Variants in NBAS observed in about 807,000 individuals in gnomAD.
NBAS encodes the protein NBAS subunit of NRZ tethering complex.
A neutral mutation model predicts 302.5 loss-of-function variants in NBAS; 219 were observed. That is an observed-to-expected ratio of 0.72 (90% CI 0.65 to 0.81). The LOEUF (loss-of-function observed/expected upper bound fraction) is 0.81, where lower values mean the gene tolerates loss of function less well. NBAS is among the 30% of genes least tolerant of loss of function. The pLI is 0.00. For synonymous variants in NBAS, 1,118 were observed against 1,021.6 expected, an observed-to-expected ratio of 1.09 and a Z score of -1.80; for missense variants, 2,932 against 2,841.6, an observed-to-expected ratio of 1.03 and a Z score of -0.72.
At chr2:15,052,668 C>T in the NBAS span, among the ~76,000 whole-genome samples, 1 of 152,156 alleles carries the variant, frequency 6.6e-6, no homozygotes, top group African/African-American at 2.4e-5. Context: ...CTTCCAATGA[C>T]ATTTATGTTT....
chr2:15,435,999 A>T (rs1387455350), intron 21 of NBAS, among the ~76,000 whole-genome samples: 1 of 152,204 alleles, frequency 6.6e-6, no homozygotes, highest in Admixed American at 6.5e-5. Flanking sequence ...TTAATCGTGA[A>T]TCAAACACCC....
chr2:14,908,279 C>T, the NBAS span, among the ~76,000 whole-genome samples: 1 of 152,190 alleles, frequency 6.6e-6, no homozygotes, highest in Non-Finnish European at 1.5e-5. Context: ...AGGAGAATGA[C>T]GTGAACCCGG....
chr2:14,895,480 T>C, the NBAS span, among the ~76,000 whole-genome samples: 1 of 152,222 alleles, frequency 6.6e-6, no homozygotes, highest in Admixed American at 6.5e-5. Context: ...GGCTCACGCC[T>C]GTAATCCCAG....
chr2:14,847,113 G>C, the NBAS span, among the ~76,000 whole-genome samples: 1 of 152,122 alleles, frequency 6.6e-6, no homozygotes, highest in African/African-American at 2.4e-5. Flanking sequence ...GCCGGGCATG[G>C]TGGCTCACAC....
chr2:15,122,394 A>C, the NBAS span, among the ~76,000 whole-genome samples: 54 of 152,096 alleles, frequency 3.6e-4, no homozygotes, highest in Non-Finnish European at 4.4e-4. Context: ...CAAGAAAGAG[A>C]AGGGGGAAGT....
the NBAS span, among the ~76,000 whole-genome samples, chr2:14,965,014 G>A: frequency 6.6e-6 from 1 of 152,004 alleles, no homozygotes; most frequent in African/African-American, 2.4e-5. Context: ...ATATAAAAGT[G>A]TGTGGTATAC....
chr2:15,225,794 T>C (rs1246138271), intron 47 of NBAS, among the ~76,000 whole-genome samples: 1 of 152,206 alleles, frequency 6.6e-6, no homozygotes, highest in Admixed American at 6.5e-5. Flanking sequence ...TAAATCCTTT[T>C]GAGAATGACA....
At chr2:15,339,008 C>T (rs1428773565) in intron 35 of NBAS, among the ~76,000 whole-genome samples, 2 of 152,184 alleles carry the variant, frequency 1.3e-5, no homozygotes, top group East Asian at 3.9e-4. Context: ...CAGCCAAACC[C>T]TGTCTCTAAA....
At chr2:15,009,319 C>T in the NBAS span, among the ~76,000 whole-genome samples, 5 of 152,034 alleles carry the variant, frequency 3.3e-5, no homozygotes, top group Non-Finnish European at 7.4e-5. Flanking sequence ...ATAAGAAGTA[C>T]ACCATCATCC....
rs770348650 is a variant in NBAS at position 15,186,770 on chromosome 2, T to C, written c.6683A>G (p.Tyr2228Cys). 3.1e-6 allele frequency: 5 copies of C among 1,613,756 alleles called. No homozygotes were observed. In the South Asian group the frequency reaches 4.4e-5, roughly 14 times the overall value. The change falls in exon 50 of 52, where the codon TAT becomes TGT. Residue 2228 changes from tyrosine (Y) to cysteine (C), a missense_variant. By Grantham distance (194) the Tyr-to-Cys change is radical. Transcript: ENST00000281513. Reference sequence around the variant, plus strand: ...TGCAGGCAGCATCTGCTTGGTGTTATACAAAGAGCGACACATTTTCAAAAC... The same window carrying C: ...TGCAGGCAGCATCTGCTTGGTGTTACACAAAGAGCGACACATTTTCAAAAC... ...NEVLKMCRSL[Y>C]NTKQMLPAEG...
At chr2:14,794,571 A>G in the NBAS span, among the ~76,000 whole-genome samples, 1 of 152,152 alleles carries the variant, frequency 6.6e-6, no homozygotes, top group East Asian at 1.9e-4. Context: ...TTATTTATAT[A>G]TTTATATCAA....
Position 15,176,762 on chromosome 2 carries a change from T to C in NBAS, c.6840+2226A>G, listed in dbSNP as rs78345781. ...AAAAGTGTTGAATTTGAGGCCATTTTGGATTTCTGGATTAGAGGTGTTCAA... is the reference window on the plus strand; with the variant it reads ...AAAAGTGTTGAATTTGAGGCCATTTCGGATTTCTGGATTAGAGGTGTTCAA... On this transcript the variant is annotated intron_variant, in intron 51 of 51. Transcript: ENST00000281513. 2.8e-3 allele frequency among the ~76,000 whole-genome samples: 425 copies of C among 152,326 alleles called. 7 individuals carry two copies. Among genetic ancestry groups the C allele is most frequent in the African/African-American group, 9.9e-3 (411 of 41,568 alleles).
At chr2:14,869,432 C>A in the NBAS span, among the ~76,000 whole-genome samples, 1 of 152,146 alleles carries the variant, frequency 6.6e-6, no homozygotes, top group South Asian at 2.1e-4. Flanking sequence ...ATCGTGGTAC[C>A]GGATTAAACA....
intron 48 of NBAS, among the ~76,000 whole-genome samples, chr2:15,199,638 T>C (rs184920471): frequency 1.2e-4 from 18 of 152,254 alleles, no homozygotes; most frequent in African/African-American, 3.8e-4. Context: ...AATACATGGC[T>C]TTCAAAAAGT....
intron 26 of NBAS, among the ~76,000 whole-genome samples, chr2:15,397,245 T>TC (rs1315627310): frequency 2.0e-5 from 3 of 152,226 alleles, no homozygotes; most frequent in African/African-American, 7.2e-5. Flanking sequence ...CCTAGACAAC[T>TC]CTGTGTCCCA....
the NBAS span, among the ~76,000 whole-genome samples, chr2:15,014,731 A>T: frequency 3.8e-4 from 58 of 152,162 alleles, no homozygotes; most frequent in African/African-American, 1.3e-3. Flanking sequence ...CATCTGAAGG[A>T]ACTAGAAAAG....
chr2:15,506,386 G>A (rs1171094226), intron 10 of NBAS, among the ~76,000 whole-genome samples: 1 of 152,060 alleles, frequency 6.6e-6, no homozygotes, highest in Non-Finnish European at 1.5e-5. Context: ...AGAAAATAAA[G>A]ACCTGTAAGA....
rs533151480 is a variant in NBAS at position 15,480,745 on chromosome 2, TCAG to T, written c.1084-2459_1084-2457del. On this transcript the variant is annotated intron_variant, in intron 12 of 51. Coordinates refer to ENST00000281513, the MANE Select transcript of NBAS (RefSeq NM_015909.4). ...AGGAGAACAGTTTAATAAGTCCAGG[TCAG>T]CAGGTTTTAATTATCTTGATTTTTG... Among the ~76,000 whole-genome samples the T allele has an allele frequency of 7.2e-5, 11 of 152,332 alleles. 1 individual carries two copies. In the South Asian group the frequency reaches 1.5e-3, roughly 20 times the overall value.
At chr2:14,808,335 C>T in the NBAS span, among the ~76,000 whole-genome samples, 1 of 152,202 alleles carries the variant, frequency 6.6e-6, no homozygotes, top group South Asian at 2.1e-4. Context: ...TTCTGAGAGA[C>T]AGCTGGTGAA....
Sources: gnomAD v4.1 joint callset for allele counts (sites outside exome capture counted in the v4.1 genomes callset) on GRCh38, gnomAD v4.1.1 for gene constraint, MANE v1.5 for transcripts, NCBI Gene and HGNC (gene_info 2026-07-23, HGNC 2026-07-21) for gene names.